Variants in WASF1 observed in about 807,000 individuals in gnomAD.
WASF1 encodes the protein WASP family member 1, also known as actin-binding protein WASF1.
A neutral mutation model predicts 50.5 loss-of-function variants in WASF1; 7 were observed. That is an observed-to-expected ratio of 0.14 (90% confidence interval 0.08 to 0.26). The LOEUF is 0.26. Among genes scored for constraint, WASF1 ranks in the 10% least tolerant of loss-of-function variants. WASF1 has a pLI of 1.00. For missense variants in WASF1, 470 were observed against 694.7 expected, an observed-to-expected ratio of 0.68 and a Z score of 3.64; for synonymous variants, 205 against 244.0, an observed-to-expected ratio of 0.84 and a Z score of 1.49.
At chr6:110,108,137 C>CA (rs369773397) in intron 6 of WASF1, among the ~76,000 whole-genome samples, 40,097 of 51,398 alleles carry the variant, frequency 0.78, 15,646 homozygotes, top group South Asian at 0.89. Flanking sequence ...GACTCCGCCT[C>CA]AAAAAAAAAA....
Position 110,100,350 on chromosome 6 carries a change from A to G in WASF1, c.*172T>C, listed in dbSNP as rs2114442634. The G allele has an allele frequency of 1.6e-6, 1 of 636,364 alleles. No homozygotes were observed. Among genetic ancestry groups the G allele is most frequent in the South Asian group, 2.7e-5 (1 of 36,758 alleles). 39.4% of individuals were successfully genotyped at this position (636,364 alleles called of 1,614,324 possible). On this transcript the variant is annotated 3_prime_UTR_variant, in exon 11 of 11. Coordinates refer to ENST00000392589, the MANE Select transcript of WASF1 (RefSeq NM_003931.3). ...AAAGATAAGCCACTGTAAAACATTTAGTTTGAAATGTATGCTAATATTTTC... is the reference window on the plus strand; with the variant it reads ...AAAGATAAGCCACTGTAAAACATTTGGTTTGAAATGTATGCTAATATTTTC...
intron 4 of WASF1, among the ~76,000 whole-genome samples, chr6:110,122,466 GT>G (rs1167600897): frequency 6.6e-6 from 1 of 152,148 alleles, no homozygotes; most frequent in Non-Finnish European, 1.5e-5. Context: ...ATCAAGATGT[GT>G]TTTTGTAAAG....
intron 4 of WASF1, among the ~76,000 whole-genome samples, chr6:110,124,274 C>CCATATA: frequency 4.9e-5 from 1 of 20,504 alleles, no homozygotes; most frequent in African/African-American, 2.7e-4. Flanking sequence ...CTCTCTCTCT[C>CCATATA]TATATATATA....
chr6:110,170,698 T>C (rs1030415515), intron 2 of WASF1, among the ~76,000 whole-genome samples: 1 of 151,864 alleles, frequency 6.6e-6, no homozygotes, highest in African/African-American at 2.4e-5. Context: ...CTATATATTG[T>C]ATACAAGAAA....
chr6:110,122,462 A>T (rs990125858), intron 4 of WASF1, among the ~76,000 whole-genome samples: 1 of 152,174 alleles, frequency 6.6e-6, no homozygotes, highest in African/African-American at 2.4e-5. Context: ...AGAAATCAAG[A>T]TGTGTTTTTG....
intron 3 of WASF1, among the ~76,000 whole-genome samples, chr6:110,150,386 A>C (rs935405105): frequency 6.6e-6 from 1 of 152,236 alleles, no homozygotes; most frequent in African/African-American, 2.4e-5. Flanking sequence ...GGTTAAAGGA[A>C]GACAGTAATT....
chr6:110,174,480 G>A (rs978253691), intron 2 of WASF1, among the ~76,000 whole-genome samples: 2 of 152,110 alleles, frequency 1.3e-5, no homozygotes, highest in African/African-American at 4.8e-5. Flanking sequence ...TAGCAGGCAG[G>A]CAGAATTGTT....
At chr6:110,162,460 C>G (rs1442730793) in intron 2 of WASF1, among the ~76,000 whole-genome samples, 1 of 146,448 alleles carries the variant, frequency 6.8e-6, no homozygotes, top group East Asian at 2.0e-4. Flanking sequence ...AAAAAAAATC[C>G]AAAAAACTAA....
chr6:110,129,721 G>C (rs1319233793), intron 3 of WASF1, among the ~76,000 whole-genome samples: 1 of 152,148 alleles, frequency 6.6e-6, no homozygotes, highest in East Asian at 1.9e-4. Context: ...AACTGCCTTT[G>C]ATAAGTTTTT....
intron 3 of WASF1, among the ~76,000 whole-genome samples, chr6:110,142,388 T>A (rs954845272): frequency 6.6e-6 from 1 of 152,160 alleles, no homozygotes; most frequent in Non-Finnish European, 1.5e-5. Flanking sequence ...CCTTTCCTCA[T>A]CCTTTCTTTT....
intron 3 of WASF1, among the ~76,000 whole-genome samples, chr6:110,155,282 G>A (rs901413757): frequency 5.9e-5 from 9 of 151,642 alleles, no homozygotes; most frequent in African/African-American, 1.5e-4. Context: ...GCTTTTTATC[G>A]GCTATAAGCA....
intron 6 of WASF1, among the ~76,000 whole-genome samples, chr6:110,107,938 G>A (rs545429265): frequency 1.3e-5 from 2 of 152,014 alleles, no homozygotes; most frequent in East Asian, 1.9e-4. Flanking sequence ...AGGCCAAGGC[G>A]GGTGGATCAC....
chr6:110,105,129 C>T (rs1321244056), intron 8 of WASF1, among the ~76,000 whole-genome samples: 1 of 152,088 alleles, frequency 6.6e-6, no homozygotes, highest in Non-Finnish European at 1.5e-5. Context: ...CCTGAAATAT[C>T]GAGAGGCTAT....
chr6:110,174,726 C>T (rs1216601632), intron 2 of WASF1, among the ~76,000 whole-genome samples: 1 of 152,166 alleles, frequency 6.6e-6, no homozygotes, highest in Non-Finnish European at 1.5e-5. Flanking sequence ...AGCAATGTCA[C>T]TTCTTTTCCT....
intron 2 of WASF1, among the ~76,000 whole-genome samples, chr6:110,166,727 T>C (rs1472718405): frequency 1.3e-5 from 2 of 152,026 alleles, no homozygotes; most frequent in East Asian, 3.9e-4. Context: ...GGTTTGAATC[T>C]TGGCTCTGCC....
intron 2 of WASF1, among the ~76,000 whole-genome samples, chr6:110,170,288 T>C (rs190736144): frequency 9.9e-4 from 150 of 152,140 alleles, no homozygotes; most frequent in Non-Finnish European, 1.7e-3. Flanking sequence ...AGTGGTGCAA[T>C]CTTGGCTCAC....
chr6:110,174,850 C>T (rs1279634430), intron 2 of WASF1, among the ~76,000 whole-genome samples: 2 of 152,144 alleles, frequency 1.3e-5, no homozygotes, highest in Non-Finnish European at 1.5e-5. Context: ...TCACAGCACC[C>T]TGATCTTTCC....
intron 2 of WASF1, among the ~76,000 whole-genome samples, chr6:110,162,624 A>G (rs1295496906): frequency 6.6e-6 from 1 of 151,444 alleles, no homozygotes; most frequent in Non-Finnish European, 1.5e-5. Flanking sequence ...ATCAATTAAC[A>G]TAATTTATCG....
chr6:110,165,320 T>G (rs1277441584), intron 2 of WASF1, among the ~76,000 whole-genome samples: 1 of 151,674 alleles, frequency 6.6e-6, no homozygotes, highest in Non-Finnish European at 1.5e-5. Flanking sequence ...TGCTCAATTT[T>G]GCTATGAACC....
Sources: gnomAD v4.1 joint callset for allele counts (sites outside exome capture counted in the v4.1 genomes callset) on GRCh38, gnomAD v4.1.1 for gene constraint, MANE v1.5 for transcripts, NCBI Gene and HGNC (gene_info 2026-07-23, HGNC 2026-07-21) for gene names.